DCT: variants seen among roughly 807,000 people sequenced by gnomAD.
The protein encoded by DCT is dopachrome tautomerase, also known as L-dopachrome tautomerase.
A neutral mutation model predicts 53.0 loss-of-function variants in DCT; 47 were observed. That is an observed-to-expected ratio of 0.89 (90% CI 0.70 to 1.13). The LOEUF is 1.13. DCT is among the 50% of genes most tolerant of loss of function. The pLI is 0.00. For missense variants in DCT, 669 were observed against 637.4 expected, an observed-to-expected ratio of 1.05 and a Z score of -0.53; for synonymous variants, 244 against 237.0, an observed-to-expected ratio of 1.03 and a Z score of -0.27.
At chr13:94,523,194 G>T in the DCT span, among the ~76,000 whole-genome samples, 1 of 152,200 alleles carries the variant, frequency 6.6e-6, no homozygotes, top group Non-Finnish European at 1.5e-5. Flanking sequence ...ATCTTGGGAT[G>T]CTAATCAGCC....
At chr13:94,547,984 A>AAATATATATAT in the DCT span, among the ~76,000 whole-genome samples, 347 of 65,826 alleles carry the variant, frequency 5.3e-3, 15 homozygotes, top group African/African-American at 0.019. Flanking sequence ...AAAAAAAAAA[A>AAATATATATAT]ATATATATAT....
At chr13:94,453,104 G>A (rs1330490960) in intron 6 of DCT, among the ~76,000 whole-genome samples, 1 of 152,054 alleles carries the variant, frequency 6.6e-6, no homozygotes, top group African/African-American at 2.4e-5. Context: ...CATAATAGGT[G>A]CCTTATAGAG....
chr13:94,540,400 A>G, the DCT span, among the ~76,000 whole-genome samples: 462 of 152,338 alleles, frequency 3.0e-3, 2 homozygotes, highest in African/African-American at 0.011. Flanking sequence ...TGTAAAGATG[A>G]GAAAGACTGT....
the DCT span, among the ~76,000 whole-genome samples, chr13:94,530,800 C>A: frequency 1.3e-5 from 2 of 152,018 alleles, no homozygotes; most frequent in Admixed American, 6.6e-5. Context: ...GGCAATCAGG[C>A]AGAAGAAAGA....
At chr13:94,543,841 C>T in the DCT span, among the ~76,000 whole-genome samples, 4 of 152,074 alleles carry the variant, frequency 2.6e-5, no homozygotes, top group Admixed American at 2.6e-4. Context: ...TTGAGACCAG[C>T]CTGACCAACA....
chr13:94,491,479 T>A, the DCT span, among the ~76,000 whole-genome samples: 1 of 152,292 alleles, frequency 6.6e-6, no homozygotes. Context: ...CTAAATAAGG[T>A]CACATTCTGG....
intron 6 of DCT, chr13:94,452,644 G>A (rs375660158): frequency 6.5e-6 from 5 of 765,072 alleles, no homozygotes; most frequent in Non-Finnish European, 1.2e-5. Flanking sequence ...GCATTGTAAA[G>A]CAAACGATTA....
At chr13:94,488,873 TACACACAC>T in the DCT span, among the ~76,000 whole-genome samples, 134 of 118,278 alleles carry the variant, frequency 1.1e-3, 1 homozygote, top group African/African-American at 4.0e-3. Flanking sequence ...TACACACACA[TACACACAC>T]AAACACACAT....
At chr13:94,507,518 T>TTTTGG in the DCT span, among the ~76,000 whole-genome samples, 1 of 151,394 alleles carries the variant, frequency 6.6e-6, no homozygotes, top group African/African-American at 2.4e-5. Context: ...TTTTTTTTTT[T>TTTTGG]GAGACAGTGT....
chr13:94,544,197 T>G, the DCT span, among the ~76,000 whole-genome samples: 1 of 152,198 alleles, frequency 6.6e-6, no homozygotes, highest in African/African-American at 2.4e-5. Flanking sequence ...TTTTATTTAT[T>G]TGTATTCAAC....
At chr13:94,450,255 A>G (rs1227859552) in intron 6 of DCT, among the ~76,000 whole-genome samples, 1 of 152,152 alleles carries the variant, frequency 6.6e-6, no homozygotes, top group Non-Finnish European at 1.5e-5. Context: ...TGTTTAGGCC[A>G]CCCAGTCTCT....
rs1243805012 is a variant in DCT, at chr13:94,438,252, A to G, written c.*1646T>C. 1 of 160,436 alleles carries G rather than the reference A, an allele frequency of 6.2e-6. No homozygotes were observed. Among genetic ancestry groups the G allele is most frequent in the Non-Finnish European group, 1.4e-5 (1 of 73,428 alleles). The allele number at this position is 160,436 out of a possible 1,614,324, so 9.9% of individuals were successfully genotyped here. Reference sequence around the variant, plus strand: ...TGAAAGACACAGTGCTGTATTTTCCATGAATATTGTTAATGGCAGGAACTG... The same window carrying G: ...TGAAAGACACAGTGCTGTATTTTCCGTGAATATTGTTAATGGCAGGAACTG... On this transcript the variant is annotated 3_prime_UTR_variant, in exon 8 of 8. Coordinates refer to ENST00000377028, the MANE Select transcript of DCT (RefSeq NM_001922.5).
intron 7 of DCT, among the ~76,000 whole-genome samples, chr13:94,441,323 G>GT (rs869120491): frequency 1.3e-5 from 2 of 152,232 alleles, no homozygotes; most frequent in Admixed American, 6.5e-5. Flanking sequence ...AATCCTCTTA[G>GT]TTTTTTAAAA....
chr13:94,445,679 G>GGAAAAAAACCT (rs1356586748), intron 6 of DCT: 16 of 1,408,626 alleles, frequency 1.1e-5, no homozygotes, highest in Non-Finnish European at 1.6e-5. Flanking sequence ...ACACAACAAA[G>GGAAAAAAACCT]GAAAAAAACC....
the DCT span, among the ~76,000 whole-genome samples, chr13:94,496,281 C>T: frequency 2.6e-5 from 4 of 152,108 alleles, no homozygotes; most frequent in Admixed American, 6.6e-5. Context: ...GCAACCTCTG[C>T]CTCCTGGGTT....
chr13:94,533,513 G>A, the DCT span, among the ~76,000 whole-genome samples: 7 of 152,108 alleles, frequency 4.6e-5, no homozygotes, highest in East Asian at 7.7e-4. Flanking sequence ...GTCCAGGCAC[G>A]GTGGCTCACA....
At chr13:94,465,944 G>C (rs1425411017) in intron 3 of DCT, 145 bp from the exon 4 acceptor site, 1 of 245,266 alleles carries the variant, frequency 4.1e-6, no homozygotes, top group African/African-American at 2.6e-5. Context: ...AAGAAACTGT[G>C]ACATAAATCA....
At chr13:94,466,710 T>C (rs1314830023) in intron 2 of DCT, 52 bp from the exon 3 acceptor site, 4 of 1,257,156 alleles carry the variant, frequency 3.2e-6, no homozygotes, top group Middle Eastern at 1.9e-4. Context: ...TTTTTTAAAA[T>C]GTTAAATCTT....
chr13:94,541,647 AAT>A, the DCT span, among the ~76,000 whole-genome samples: 1 of 152,208 alleles, frequency 6.6e-6, no homozygotes, highest in Non-Finnish European at 1.5e-5. Context: ...GCACCCACCT[AAT>A]ATATTTTGAA....
Sources: allele counts gnomAD v4.1 joint callset (sites outside exome capture counted in the v4.1 genomes callset), GRCh38; gene constraint gnomAD v4.1.1; transcripts MANE v1.5; gene names NCBI Gene and HGNC (gene_info 2026-07-23, HGNC 2026-07-21).